CLASP2: variants seen among roughly 807,000 people sequenced by gnomAD.
CLASP2 encodes CLIP-associating protein 2.
CLASP2 carries 47 observed loss-of-function variants against 194.4 expected under a neutral mutation model. That is an observed-to-expected ratio of 0.24 (90% CI 0.19 to 0.31). CLASP2 has a LOEUF of 0.31. Ranked by LOEUF, CLASP2 falls within the 10% of genes least tolerant of loss-of-function variation. The probability of loss-of-function intolerance (pLI) is 1.00; values close to 1 mark genes in which losing one functional copy is unlikely to be tolerated. For missense variants in CLASP2, 1,445 were observed against 1,823.6 expected, an observed-to-expected ratio of 0.79 and a Z score of 3.78; for synonymous variants, 619 against 633.5, an observed-to-expected ratio of 0.98 and a Z score of 0.34.
In CLASP2 at chr3:33,619,611, T is replaced by C. The variant is rs1334394669; in HGVS notation, c.1309A>G (p.Ile437Val). The C allele has an allele frequency of 1.9e-6, 3 of 1,549,434 alleles. No homozygotes were observed. Among genetic ancestry groups the C allele is most frequent in the East Asian group, 2.5e-5 (1 of 40,692 alleles). ...ATSGCAAIRF[I>V]IRHTHVPRLI... ...CGAGAGAGCAAACCTACCCGAATGA[T>C]AAATCTGATTGCTGCACATCCAGAA... The change falls in exon 12 of 39, where the codon ATC becomes GTC. Residue 437 changes from isoleucine (I) to valine (V), a missense_variant. Physicochemically the swap from Ile to Val is conservative, Grantham distance 29. Around this residue, in one of 4 missense-constraint regions of CLASP2, gnomAD observed 207 missense variants for 331.4 expected, o/e 0.62. Coordinates refer to ENST00000682230, the MANE Select transcript of CLASP2 (RefSeq NM_001365631.1).
At chr3:33,550,054 C>G (rs1362466001) in intron 30 of CLASP2, among the ~76,000 whole-genome samples, 1 of 151,852 alleles carries the variant, frequency 6.6e-6, no homozygotes, top group African/African-American at 2.4e-5. Flanking sequence ...CCTTTTGCAG[C>G]AAATGTTGAT....
chr3:33,642,994 C>A (rs1453783893), intron 8 of CLASP2, among the ~76,000 whole-genome samples: 1 of 151,866 alleles, frequency 6.6e-6, no homozygotes, highest in Non-Finnish European at 1.5e-5. Flanking sequence ...CTGATAAAAT[C>A]TTTAAGTGAT....
chr3:33,689,032 C>T (rs1334657522), intron 3 of CLASP2, among the ~76,000 whole-genome samples: 2 of 152,034 alleles, frequency 1.3e-5, no homozygotes, highest in African/African-American at 4.8e-5. Context: ...GAAACACCAC[C>T]TTTACCCTTT....
At position 33,539,929 on chromosome 3, in the gene CLASP2, T is replaced by C. The variant is rs964468509; in HGVS notation, c.3405-987A>G. Among the ~76,000 whole-genome samples the C allele has an allele frequency of 8.8e-4, 133 of 151,954 alleles. 1 individual carries two copies. The highest frequency in any genetic ancestry group is 1.9e-3 in the South Asian group (9 of 4,806). On this transcript the variant is annotated intron_variant, in intron 32 of 38. Coordinates refer to ENST00000682230, the MANE Select transcript of CLASP2 (RefSeq NM_001365631.1). ...TAATACTGAATATAATTTTTTTTTTTTTTTTGAGATGGAGTTTCACTCTTG... is the reference window on the plus strand; with the variant it reads ...TAATACTGAATATAATTTTTTTTTTCTTTTTGAGATGGAGTTTCACTCTTG...
At chr3:33,673,067 A>T (rs375109915) in intron 6 of CLASP2, among the ~76,000 whole-genome samples, 1 of 152,194 alleles carries the variant, frequency 6.6e-6, no homozygotes, top group Non-Finnish European at 1.5e-5. Context: ...GCAGGCCAAC[A>T]TTCAGATTCA....
intron 23 of CLASP2, chr3:33,577,076 C>T: frequency 5.0e-6 from 4 of 805,486 alleles, no homozygotes; most frequent in South Asian, 3.9e-5. Flanking sequence ...AAAGTTTATT[C>T]TCCAACAAAT....
intron 3 of CLASP2, 139 bp downstream of exon 3, chr3:33,689,690 A>C (rs2091124654): frequency 3.8e-6 from 2 of 528,228 alleles, no homozygotes; most frequent in South Asian, 7.6e-5. Context: ...AAACATTGAC[A>C]CTGTATCTTA....
chr3:33,662,430 C>G (rs2085450106), intron 7 of CLASP2, among the ~76,000 whole-genome samples: 1 of 152,178 alleles, frequency 6.6e-6, no homozygotes, highest in African/African-American at 2.4e-5. Context: ...AAAACACTTT[C>G]TATTCAGAGA....
At chr3:33,711,060 T>A (rs1281385838) in intron 1 of CLASP2, among the ~76,000 whole-genome samples, 2 of 152,098 alleles carry the variant, frequency 1.3e-5, no homozygotes, top group Non-Finnish European at 2.9e-5. Context: ...TGTAGAATAG[T>A]TGTTTAAGTG....
intron 34 of CLASP2, among the ~76,000 whole-genome samples, chr3:33,532,460 G>A (rs1052542275): frequency 2.0e-5 from 3 of 152,172 alleles, no homozygotes; most frequent in African/African-American, 7.2e-5. Context: ...CTTGATGGAT[G>A]TGCAACAGTA....
intron 6 of CLASP2, among the ~76,000 whole-genome samples, chr3:33,670,489 A>G (rs1267800624): frequency 1.3e-5 from 2 of 152,214 alleles, no homozygotes; most frequent in Non-Finnish European, 2.9e-5. Flanking sequence ...AGAAGCTTGG[A>G]AAGTTGCTAC....
rs1027731514 is a variant in CLASP2 at position 33,571,015 on chromosome 3, A to ATTTTTTTTTTTT, written c.2700-237_2700-226dup. Among the ~76,000 whole-genome samples, 21 of 123,928 alleles carry ATTTTTTTTTTTT rather than the reference A, an allele frequency of 1.7e-4. 1 individual carries two copies. Among genetic ancestry groups the ATTTTTTTTTTTT allele is most frequent in the South Asian group, 5.3e-4 (2 of 3,768 alleles). 81.3% of individuals were successfully genotyped at this position (123,928 alleles called of 152,430 possible). On this transcript the variant is annotated intron_variant, in intron 25 of 38. Coordinates refer to ENST00000682230, the MANE Select transcript of CLASP2 (RefSeq NM_001365631.1). ...AGATGGCAAGATCCTGTCTCTATAAATTTTTTTTTTTTTTTTTTGAGACGG... is the reference window on the plus strand; with the variant it reads ...AGATGGCAAGATCCTGTCTCTATAAATTTTTTTTTTTTTTTTTTTTTTTTTTTTTTGAGACGG...
intron 10 of CLASP2, among the ~76,000 whole-genome samples, chr3:33,626,574 C>G (rs1002887347): frequency 6.6e-6 from 1 of 152,072 alleles, no homozygotes; most frequent in African/African-American, 2.4e-5. Context: ...AATGCATATC[C>G]TGTTGTGAAT....
chr3:33,676,585 A>G (rs1221572493), intron 6 of CLASP2, among the ~76,000 whole-genome samples: 1 of 151,938 alleles, frequency 6.6e-6, no homozygotes, highest in Non-Finnish European at 1.5e-5. Flanking sequence ...CGTTAGACCT[A>G]AAACCATAAA....
chr3:33,716,581 A>G (rs1460614986), intron 1 of CLASP2, among the ~76,000 whole-genome samples: 2 of 152,220 alleles, frequency 1.3e-5, no homozygotes, highest in Admixed American at 1.3e-4. Flanking sequence ...AACTATCTTG[A>G]GTGTGAATAT....
intron 1 of CLASP2, among the ~76,000 whole-genome samples, chr3:33,714,417 A>G (rs934391713): frequency 2.6e-5 from 4 of 152,204 alleles, no homozygotes; most frequent in Non-Finnish European, 5.9e-5. Context: ...CACCTAACAC[A>G]GTAAAAACTA....
intron 8 of CLASP2, among the ~76,000 whole-genome samples, chr3:33,636,092 T>C (rs1433870066): frequency 6.6e-6 from 1 of 152,096 alleles, no homozygotes; most frequent in Non-Finnish European, 1.5e-5. Context: ...AAGTGGGAGG[T>C]ATCCTTTTGA....
intron 6 of CLASP2, among the ~76,000 whole-genome samples, chr3:33,669,585 TAA>T (rs895013534): frequency 7.1e-6 from 1 of 140,098 alleles, no homozygotes. Flanking sequence ...GAACTCAATT[TAA>T]AAAAAAAAAA....
chr3:33,593,139 C>T (rs1338728518), intron 20 of CLASP2, among the ~76,000 whole-genome samples: 1 of 152,186 alleles, frequency 6.6e-6, no homozygotes, highest in African/African-American at 2.4e-5. Context: ...GCACTCCTTT[C>T]TATTCTACCA....
Sources: allele counts gnomAD v4.1 joint callset (sites outside exome capture counted in the v4.1 genomes callset), GRCh38; gene constraint gnomAD v4.1.1; regional missense constraint gnomAD v4.1.1; transcripts MANE v1.5; gene names NCBI Gene and HGNC (gene_info 2026-07-23, HGNC 2026-07-21).